Variants in ALCAM observed in about 807,000 individuals in gnomAD.
The protein encoded by ALCAM is CD166 antigen.
ALCAM carries 30 observed loss-of-function variants against 70.9 expected under a neutral mutation model. The observed-to-expected ratio is 0.42, with a 90% confidence interval of 0.32 to 0.57. ALCAM has a LOEUF of 0.57. ALCAM is among the 20% of genes least tolerant of loss of function. The pLI, the probability that ALCAM is intolerant of heterozygous loss-of-function variation, is 0.11. For synonymous variants in ALCAM, 249 were observed against 242.5 expected, an observed-to-expected ratio of 1.03 and a Z score of -0.25; for missense variants, 591 against 695.1, an observed-to-expected ratio of 0.85 and a Z score of 1.68.
intron 12 of ALCAM, among the ~76,000 whole-genome samples, chr3:105,550,480 AG>A (rs1940366160): frequency 6.6e-6 from 1 of 151,490 alleles, no homozygotes; most frequent in South Asian, 2.1e-4. Context: ...TTTATGGGTC[AG>A]AGGCCTTATC....
At position 105,477,210 on chromosome 3, in the gene ALCAM, CCCTTTTATATTTACCCACATATTTA is replaced by C. The variant is rs1231663830; in HGVS notation, c.74-42850_74-42826del. ...TTTAGAAAAATTGAAAAGGAAAATT[CCCTTTTATATTTACCCACATATTTA>C]CCTTTTCTAATGCTCTTCATTTTTT... is the stretch of plus-strand genomic sequence containing the variant. On this transcript the variant is annotated intron_variant, in intron 1 of 15. Coordinates refer to ENST00000306107, the MANE Select transcript of ALCAM (RefSeq NM_001627.4). Among the ~76,000 whole-genome samples, 3 of 151,922 alleles carry C rather than the reference CCCTTTTATATTTACCCACATATTTA, an allele frequency of 2.0e-5. No individual in the cohort carries two copies. The East Asian group carries it at 5.8e-4, about 29-fold the overall frequency.
intron 1 of ALCAM, among the ~76,000 whole-genome samples, chr3:105,497,240 C>A (rs901714666): frequency 1.3e-5 from 2 of 152,078 alleles, no homozygotes; most frequent in Non-Finnish European, 2.9e-5. Context: ...AATAATTTTT[C>A]TTTAAATACT....
chr3:105,465,875 GTAAA>G (rs1937706494), intron 1 of ALCAM, among the ~76,000 whole-genome samples: 1 of 151,376 alleles, frequency 6.6e-6, no homozygotes, highest in African/African-American at 2.4e-5. Flanking sequence ...ATTGCCAGAG[GTAAA>G]TAGATTCTGA....
At chr3:105,473,289 C>T (rs1328952829) in intron 1 of ALCAM, among the ~76,000 whole-genome samples, 1 of 151,476 alleles carries the variant, frequency 6.6e-6, no homozygotes, top group African/African-American at 2.4e-5. Context: ...TGGACCACAA[C>T]AACATATATG....
intron 1 of ALCAM, among the ~76,000 whole-genome samples, chr3:105,430,343 G>C (rs982181671): frequency 1.3e-5 from 2 of 151,656 alleles, no homozygotes; most frequent in South Asian, 4.2e-4. Context: ...TTTATGTTTA[G>C]TCATCGTGTC....
chr3:105,381,853 G>A (rs191147450), intron 1 of ALCAM, among the ~76,000 whole-genome samples: 20 of 151,354 alleles, frequency 1.3e-4, no homozygotes, highest in African/African-American at 3.6e-4. Context: ...TCTCCCCTCT[G>A]CCATCAGAGT....
intron 14 of ALCAM, among the ~76,000 whole-genome samples, chr3:105,555,691 A>G (rs973583146): frequency 9.2e-5 from 14 of 152,004 alleles, no homozygotes; most frequent in African/African-American, 3.4e-4. Flanking sequence ...CCTAGTGGCT[A>G]TTTAGCCAGC....
chr3:105,408,299 C>T (rs919785252), intron 1 of ALCAM, among the ~76,000 whole-genome samples: 11 of 152,098 alleles, frequency 7.2e-5, no homozygotes, highest in Non-Finnish European at 1.3e-4. Flanking sequence ...CTACTTCAAA[C>T]TGTACTATAA....
chr3:105,424,060 A>G (rs75304137), intron 1 of ALCAM, among the ~76,000 whole-genome samples: 2,325 of 151,696 alleles, frequency 0.015, 26 homozygotes, highest in Middle Eastern at 0.048. Context: ...TTAGTGGTTA[A>G]AATTGTCAGG....
At position 105,462,217 on chromosome 3, in the gene ALCAM, A is replaced by C. The variant is rs547656042; in HGVS notation, c.74-57850A>C. 2.6e-5 allele frequency among the ~76,000 whole-genome samples: 4 copies of C among 151,782 alleles called. No homozygotes were observed. In the South Asian group the frequency reaches 8.3e-4, roughly 31 times the overall value. On this transcript the variant is annotated intron_variant, in intron 1 of 15. Coordinates refer to ENST00000306107, the MANE Select transcript of ALCAM (RefSeq NM_001627.4). Reference sequence around the variant, plus strand: ...TTCATTCAACAGCCATTGAATGAGTACTTATCATAGGGACAAGTATTAAAA... The same window carrying C: ...TTCATTCAACAGCCATTGAATGAGTCCTTATCATAGGGACAAGTATTAAAA...
At chr3:105,558,340 T>C (rs1007955531) in intron 14 of ALCAM, among the ~76,000 whole-genome samples, 39 of 152,184 alleles carry the variant, frequency 2.6e-4, no homozygotes, top group African/African-American at 8.4e-4. Context: ...TAAAATCTCA[T>C]GTACTCCTTT....
intron 7 of ALCAM, 103 bp from the exon 8 acceptor site, chr3:105,541,530 C>T (rs1940115301): frequency 1.6e-6 from 2 of 1,276,982 alleles, no homozygotes; most frequent in African/African-American, 1.5e-5. Flanking sequence ...AACACATTCC[C>T]TTTTTTATCT....
chr3:105,381,023 C>T (rs1021238212), intron 1 of ALCAM, among the ~76,000 whole-genome samples: 1 of 151,904 alleles, frequency 6.6e-6, no homozygotes, highest in Non-Finnish European at 1.5e-5. Context: ...TCTCCTTTCT[C>T]CAGTTTCCCA....
At chr3:105,572,537 T>A (rs905101612) in intron 15 of ALCAM, among the ~76,000 whole-genome samples, 5 of 152,206 alleles carry the variant, frequency 3.3e-5, no homozygotes, top group Non-Finnish European at 7.3e-5. Context: ...AGTGCTGCAA[T>A]AAACATACAT....
At chr3:105,547,876 G>C (rs1303712583) in intron 11 of ALCAM, among the ~76,000 whole-genome samples, 1 of 151,424 alleles carries the variant, frequency 6.6e-6, no homozygotes, top group African/African-American at 2.4e-5. Context: ...ACACTTTCCT[G>C]CAAAATAAGC....
chr3:105,543,113 G>A (rs981897515), intron 8 of ALCAM, among the ~76,000 whole-genome samples: 7 of 151,798 alleles, frequency 4.6e-5, no homozygotes, highest in African/African-American at 1.4e-4. Flanking sequence ...ATGGTGTGAT[G>A]TGCTTATTTT....
chr3:105,516,795 A>C (rs184820416), intron 1 of ALCAM, among the ~76,000 whole-genome samples: 1 of 152,114 alleles, frequency 6.6e-6, no homozygotes, highest in Non-Finnish European at 1.5e-5. Flanking sequence ...ACACTTATAC[A>C]TTCCCACATT....
At chr3:105,512,671 C>A (rs1939270097) in intron 1 of ALCAM, among the ~76,000 whole-genome samples, 1 of 151,708 alleles carries the variant, frequency 6.6e-6, no homozygotes, top group African/African-American at 2.4e-5. Context: ...AGAATCTAGA[C>A]TAAATTGAAG....
At chr3:105,446,515 A>G (rs1937301454) in intron 1 of ALCAM, among the ~76,000 whole-genome samples, 1 of 151,896 alleles carries the variant, frequency 6.6e-6, no homozygotes, top group Admixed American at 6.6e-5. Flanking sequence ...AGATAGCTGC[A>G]CTCTCATGTT....
Sources: gnomAD v4.1 joint callset for allele counts (sites outside exome capture counted in the v4.1 genomes callset) on GRCh38, gnomAD v4.1.1 for gene constraint, MANE v1.5 for transcripts, NCBI Gene and HGNC (gene_info 2026-07-23, HGNC 2026-07-21) for gene names.